The following MKKS variants were observed in gnomAD, a reference collection of about 807,000 sequenced individuals.
The protein encoded by MKKS is molecular chaperone MKKS.
Under a neutral mutation model 33.2 loss-of-function variants are expected in MKKS, and 29 were observed. The ratio of observed to expected loss-of-function variants is 0.87; its 90% CI spans 0.65 to 1.19. The LOEUF (loss-of-function observed/expected upper bound fraction) is 1.19, where lower values mean the gene tolerates loss of function less well. Among genes scored for constraint, MKKS ranks in the 50% most tolerant of loss-of-function variants. The probability of loss-of-function intolerance (pLI) is 0.00; values close to 1 mark genes in which losing one functional copy is unlikely to be tolerated. For synonymous variants in MKKS, 260 were observed against 244.0 expected (o/e 1.07, Z -0.61); for missense variants, 661 against 662.3 (o/e 1.00, Z 0.02).
rs945234545 is a variant in MKKS at position 10,427,055 on chromosome 20, C to G, written c.-648-6297G>C. Among the ~76,000 whole-genome samples the G allele has an allele frequency of 2.7e-5, 4 of 148,898 alleles. No individual in the cohort carries two copies. In the East Asian group the frequency reaches 7.7e-4, roughly 29 times the overall value. On this transcript the variant is annotated intron_variant, in intron 1 of 5. Coordinates refer to ENST00000347364, the MANE Select transcript of MKKS (RefSeq NM_170784.3). ...ACACACACACACACACACACACACACACACACACACACACACACACACACA... is the reference window on the plus strand; with the variant it reads ...ACACACACACACACACACACACACAGACACACACACACACACACACACACA...
intron 5 of MKKS, among the ~76,000 whole-genome samples, chr20:10,406,822 A>G (rs1021180840): frequency 1.3e-5 from 2 of 152,218 alleles, no homozygotes; most frequent in African/African-American, 4.8e-5. Context: ...TTTGTTTTCC[A>G]TAATGTATAT....
At chr20:10,421,094 A>C (rs2064977194) in intron 1 of MKKS, among the ~76,000 whole-genome samples, 1 of 151,718 alleles carries the variant, frequency 6.6e-6, no homozygotes, top group African/African-American at 2.4e-5. Context: ...TCTCTGAGCC[A>C]CAATAGAGTA....
At chr20:10,416,378 G>T (rs1280859244) in intron 2 of MKKS, among the ~76,000 whole-genome samples, 1 of 151,936 alleles carries the variant, frequency 6.6e-6, no homozygotes, top group African/African-American at 2.4e-5. Context: ...CCAAAAGTAA[G>T]GATGTTATTA....
Position 10,408,764 on chromosome 20 carries a change from T to C in MKKS, c.1025A>G (p.Asn342Ser), listed in dbSNP as rs534644334. ...CACATCTTTCACACTTCCATAACTA[T>C]TAGGACATATTGAGCCTAGGGATCC... The part of the protein sequence containing the change: ...PIGSLGSICP[N>S]SYGSVKDVCT... Residue 342 changes from asparagine (N) to serine (S), a missense_variant, in exon 4 of 6, where the codon AAT becomes AGT. Coordinates refer to ENST00000347364, the MANE Select transcript of MKKS (RefSeq NM_170784.3). 6.2e-7 allele frequency: 1 copy of C among 1,613,888 alleles called. No individual in the cohort carries two copies. Among genetic ancestry groups the C allele is most frequent in the Non-Finnish European group, 8.5e-7 (1 of 1,179,808 alleles).
chr20:10,413,229 C>A lies in MKKS; in HGVS notation c.286G>T (p.Ala96Ser). ...TCAATCAGGTTGCAGCAAAGAATAG[C>A]TGTGAATAAGCCACAATCACTGAAG... is the stretch of plus-strand genomic sequence containing the variant. ...SSFSDCGLFT[A>S]ILCCNLIENV... The change falls in exon 3 of 6, where the codon GCT becomes TCT. Residue 96 changes from alanine (A) to serine (S), a missense_variant. Ala to Ser is a moderately conservative substitution (Grantham distance 99, BLOSUM62 1). Coordinates refer to ENST00000347364, the MANE Select transcript of MKKS (RefSeq NM_170784.3). 1 of 1,614,212 alleles carries A rather than the reference C, an allele frequency of 6.2e-7. No individual in the cohort carries two copies. The highest frequency in any genetic ancestry group is 1.1e-5 in the South Asian group (1 of 91,088).
At position 10,413,062 on chromosome 20, in the gene MKKS, AAGG is replaced by A; in HGVS notation, c.450_452del (p.Leu151del). On this transcript the variant is annotated inframe_deletion, in exon 3 of 6. Coordinates refer to ENST00000347364, the MANE Select transcript of MKKS (RefSeq NM_170784.3). ...TTGTTAATATACTACGCACCAAACA[AAGG>A]AGGATCTGAGTACTACTAAAGTCCA... 4.3e-6 allele frequency: 7 copies of A among 1,614,018 alleles called. No homozygotes were observed. The highest frequency in any genetic ancestry group is 5.9e-6 in the Non-Finnish European group (7 of 1,180,022).
At chr20:10,419,545 T>C (rs942842291) in intron 2 of MKKS, among the ~76,000 whole-genome samples, 2 of 152,170 alleles carry the variant, frequency 1.3e-5, no homozygotes, top group South Asian at 2.1e-4. Context: ...AAACTACATA[T>C]AGCACTAAAC....
At position 10,413,038 on chromosome 20, in the gene MKKS, T is replaced by C; in HGVS notation, c.477A>G (p.Thr159=). Residue 159 remains threonine (T), a synonymous_variant, in exon 3 of 6, where the codon ACA becomes ACG. Coordinates refer to ENST00000347364, the MANE Select transcript of MKKS (RefSeq NM_170784.3). ...TGGTGAGCATACAGGCAGGTTTACT[T>C]GTTAATATACTACGCACCAAACAAA... ...ILLCLVRSIL[T]SKPACMLTRK... 6 of 1,614,058 alleles carry C rather than the reference T, an allele frequency of 3.7e-6. No homozygotes were observed. Among genetic ancestry groups the C allele is most frequent in the Non-Finnish European group, 5.1e-6 (6 of 1,180,036 alleles).
chr20:10,411,788 C>T (rs897965435), intron 3 of MKKS, among the ~76,000 whole-genome samples: 1 of 152,216 alleles, frequency 6.6e-6, no homozygotes, highest in African/African-American at 2.4e-5. Flanking sequence ...TTAAAGGATA[C>T]TGAAAAGTAG....
intron 1 of MKKS, among the ~76,000 whole-genome samples, chr20:10,427,419 T>C (rs936337104): frequency 6.6e-6 from 1 of 152,218 alleles, no homozygotes; most frequent in Non-Finnish European, 1.5e-5. Context: ...GAACATTAGA[T>C]AGAATATTAA....
intron 1 of MKKS, among the ~76,000 whole-genome samples, chr20:10,428,577 G>A (rs745430105): frequency 2.0e-5 from 3 of 152,160 alleles, no homozygotes; most frequent in Non-Finnish European, 4.4e-5. Context: ...GGTGGCTCAC[G>A]CCTCTAATTC....
chr20:10,413,469 G>T lies in MKKS; in HGVS notation c.46C>A (p.Pro16Thr), dbSNP rs759303371. Reference protein sequence around the residue: ...AKKPSLCKSEPLTTERVRTTL... With the variant: ...AKKPSLCKSETLTTERVRTTL... ...GTCCTGACTCTCTCAGTTGTCAGTG[G>T]TTCACTCTTACACAATGATGGCTTC... Residue 16 changes from proline (P) to threonine (T), a missense_variant, in exon 3 of 6, where the codon CCA becomes ACA. By Grantham distance (38) the Pro-to-Thr change is conservative. Transcript: ENST00000347364. 3 of 1,614,142 alleles carry T rather than the reference G, an allele frequency of 1.9e-6. No homozygotes were observed. The highest frequency in any genetic ancestry group is 1.7e-5 in the Admixed American group (1 of 60,028).
intron 3 of MKKS, among the ~76,000 whole-genome samples, chr20:10,409,180 C>T (rs6104603): frequency 2.2e-4 from 33 of 152,066 alleles, no homozygotes; most frequent in African/African-American, 6.8e-4. Context: ...ATTTGGATTA[C>T]GGGTGATGTG....
chr20:10,412,516 A>G lies in MKKS; in HGVS notation c.985+14T>C. On this transcript the variant is annotated intron_variant, in intron 3 of 5. Coordinates refer to ENST00000347364, the MANE Select transcript of MKKS (RefSeq NM_170784.3). ...TATTAACTGTAAGAGGCAAAAGCAA[A>G]GAGTGATTTTTACCTGTCATTTTAG... The G allele has an allele frequency of 6.2e-7, 1 of 1,612,454 alleles. No individual in the cohort carries two copies. The highest frequency in any genetic ancestry group is 8.5e-7 in the Non-Finnish European group (1 of 1,179,644).
Position 10,407,667 on chromosome 20 carries a change from C to G in MKKS, c.1221G>C (p.Leu407Phe). Residue 407 changes from leucine (L) to phenylalanine (F), a missense_variant, in exon 5 of 6, where the codon TTG (leucine) becomes TTC (phenylalanine). Leu to Phe is a conservative substitution (Grantham distance 22). Transcript: ENST00000347364. ...LQLTLKEPWA[L>F]LGGGCTETHL... ...GAGTTTCAGTACAGCCACCTCCCAA[C>G]AAAGCCCATGGTTCCTTGAGTGTTA... 1.2e-6 allele frequency: 2 copies of G among 1,614,078 alleles called. No homozygotes were observed. The highest frequency in any genetic ancestry group is 1.7e-6 in the Non-Finnish European group (2 of 1,179,974).
At chr20:10,409,234 A>G (rs989945563) in intron 3 of MKKS, among the ~76,000 whole-genome samples, 4 of 152,310 alleles carry the variant, frequency 2.6e-5, no homozygotes, top group Middle Eastern at 6.8e-3. Context: ...TCAATTTAAA[A>G]TAAATGCTGC....
At position 10,405,550 on chromosome 20, in the gene MKKS, A is replaced by C; in HGVS notation, c.1410T>G (p.Thr470=). The change falls in exon 6 of 6, where the codon ACT becomes ACG. Residue 470 remains threonine (T), a synonymous_variant. Coordinates refer to ENST00000347364, the MANE Select transcript of MKKS (RefSeq NM_170784.3). The part of the protein sequence containing the change: ...SLEHDGGEIL[T]DMKYGHLWSV... The stretch of plus-strand genomic sequence containing the variant: ...ACCAAAGGTGTCCATACTTCATGTC[A>C]GTGAGAATTTCACCTCCATCATGTT... 6.2e-7 allele frequency: 1 copy of C among 1,614,200 alleles called. No individual in the cohort carries two copies. Among genetic ancestry groups the C allele is most frequent in the Middle Eastern group, 1.6e-4 (1 of 6,062 alleles).
intron 1 of MKKS, among the ~76,000 whole-genome samples, chr20:10,433,840 A>G (rs2065074619): frequency 6.6e-6 from 1 of 151,546 alleles, no homozygotes; most frequent in Admixed American, 6.6e-5. Context: ...GTGAGGCGCC[A>G]CTCCTCCAGC....
At chr20:10,426,543 G>A (rs1451745490) in intron 1 of MKKS, among the ~76,000 whole-genome samples, 1 of 152,172 alleles carries the variant, frequency 6.6e-6, no homozygotes, top group African/African-American at 2.4e-5. Flanking sequence ...GAGATTACAG[G>A]CCCACGCCAC....
Sources: gnomAD v4.1 joint callset for allele counts (sites outside exome capture counted in the v4.1 genomes callset) on GRCh38, gnomAD v4.1.1 for gene constraint, MANE v1.5 for transcripts, NCBI Gene and HGNC (gene_info 2026-07-23, HGNC 2026-07-21) for gene names.